Variants in CNTN4 observed in about 807,000 individuals in gnomAD.
The protein encoded by CNTN4 is contactin 4.
A neutral mutation model predicts 122.5 loss-of-function variants in CNTN4; 77 were observed. The ratio of observed to expected loss-of-function variants is 0.63; its 90% confidence interval spans 0.52 to 0.76. CNTN4 has a LOEUF of 0.76. Among genes scored for constraint, CNTN4 ranks in the 30% least tolerant of loss-of-function variants. The pLI, the probability that CNTN4 is intolerant of heterozygous loss-of-function variation, is 0.00. For synonymous variants in CNTN4, 512 were observed against 447.0 expected (o/e 1.15, Z -1.83); for missense variants, 1,256 against 1,259.1 (o/e 1.00, Z 0.04).
intron 3 of CNTN4, among the ~76,000 whole-genome samples, chr3:2,448,536 A>G (rs980667019): frequency 5.9e-5 from 9 of 152,140 alleles, no homozygotes; most frequent in Non-Finnish European, 1.3e-4. Context: ...TGAACACTCG[A>G]AAGCTATCGG....
chr3:2,375,265 G>C (rs1053169238), intron 3 of CNTN4, among the ~76,000 whole-genome samples: 3 of 152,140 alleles, frequency 2.0e-5, no homozygotes, highest in Non-Finnish European at 4.4e-5. Context: ...TTAGAGAAGT[G>C]ATTTCTAAAC....
chr3:2,889,642 T>G (rs2094016536), intron 10 of CNTN4, among the ~76,000 whole-genome samples: 1 of 152,242 alleles, frequency 6.6e-6, no homozygotes, highest in African/African-American at 2.4e-5. Flanking sequence ...CAACATTTTC[T>G]CTTTTTTCTT....
intron 3 of CNTN4, among the ~76,000 whole-genome samples, chr3:2,449,754 C>T (rs6789099): frequency 0.65 from 98,386 of 152,030 alleles, 32,094 homozygotes; most frequent in East Asian, 0.78. Flanking sequence ...AATGGAATAT[C>T]GTTCTGTCTT....
chr3:2,641,873 T>C (rs2150122123), intron 4 of CNTN4, among the ~76,000 whole-genome samples: 1 of 152,348 alleles, frequency 6.6e-6, no homozygotes, highest in East Asian at 1.9e-4. Context: ...AAGCCATTTT[T>C]ACATCATATT....
chr3:2,846,525 G>A (rs997088588), intron 7 of CNTN4, among the ~76,000 whole-genome samples: 4 of 152,112 alleles, frequency 2.6e-5, no homozygotes, highest in Admixed American at 2.6e-4. Flanking sequence ...AGCATGAGAA[G>A]AGATTAAAAC....
chr3:2,753,276 T>C lies in CNTN4; in HGVS notation c.358+7579T>C, dbSNP rs1576664832. On this transcript the variant is annotated intron_variant, in intron 6 of 24. Coordinates refer to ENST00000418658, the MANE Select transcript of CNTN4 (RefSeq NM_175607.3). ...TCGTGAGCTTGAACAAGGTACTTTT[T>C]TCTGCCCCAGGTTGTTTACCTCCTT... Among the ~76,000 whole-genome samples the C allele has an allele frequency of 1.3e-5, 2 of 152,346 alleles. 1 individual carries two copies. Among genetic ancestry groups the C allele is most frequent in the Admixed American group, 1.3e-4 (2 of 15,302 alleles).
chr3:2,577,477 A>G (rs1268776876), intron 4 of CNTN4, among the ~76,000 whole-genome samples: 1 of 152,138 alleles, frequency 6.6e-6, no homozygotes, highest in Admixed American at 6.5e-5. Context: ...TTGTTTTATT[A>G]TTAACCAGAT....
intron 3 of CNTN4, among the ~76,000 whole-genome samples, chr3:2,398,597 G>A (rs2046725347): frequency 6.6e-6 from 1 of 152,164 alleles, no homozygotes; most frequent in Admixed American, 6.6e-5. Flanking sequence ...TGAGTAGACT[G>A]TGCATGAGAT....
chr3:3,028,816 G>T (rs961952307), intron 15 of CNTN4, among the ~76,000 whole-genome samples: 1 of 152,094 alleles, frequency 6.6e-6, no homozygotes, highest in African/African-American at 2.4e-5. Flanking sequence ...CTTGACCCTT[G>T]AACAACACAG....
intron 6 of CNTN4, among the ~76,000 whole-genome samples, chr3:2,751,005 T>A (rs990117147): frequency 2.6e-5 from 4 of 152,024 alleles, no homozygotes; most frequent in East Asian, 1.9e-4. Context: ...TGGCCCACAT[T>A]AAAAGGATGC....
At chr3:2,466,099 G>A (rs1467790806) in intron 3 of CNTN4, among the ~76,000 whole-genome samples, 1 of 152,178 alleles carries the variant, frequency 6.6e-6, no homozygotes, top group East Asian at 1.9e-4. Flanking sequence ...GAAGCCATCA[G>A]AACATAGGAT....
intron 2 of CNTN4, among the ~76,000 whole-genome samples, chr3:2,158,260 A>G (rs1414200540): frequency 6.6e-6 from 1 of 152,238 alleles, no homozygotes; most frequent in Non-Finnish European, 1.5e-5. Flanking sequence ...TATTAATGTA[A>G]GAAGTTTAGA....
chr3:2,968,355 C>T (rs1692540769), intron 13 of CNTN4, among the ~76,000 whole-genome samples: 1 of 152,110 alleles, frequency 6.6e-6, no homozygotes, highest in African/African-American at 2.4e-5. Context: ...GAAAGGCCAA[C>T]CTAAATGTAT....
intron 2 of CNTN4, among the ~76,000 whole-genome samples, chr3:2,302,474 G>T (rs2042560291): frequency 6.6e-6 from 1 of 152,150 alleles, no homozygotes; most frequent in Non-Finnish European, 1.5e-5. Flanking sequence ...CTCTACGTTG[G>T]TTATGTAATT....
At chr3:2,418,378 C>T (rs1047243670) in intron 3 of CNTN4, among the ~76,000 whole-genome samples, 1 of 152,222 alleles carries the variant, frequency 6.6e-6, no homozygotes, top group South Asian at 2.1e-4. Context: ...AAATAATACA[C>T]AGAAAGTATT....
At chr3:2,835,106 C>T (rs986028060) in intron 7 of CNTN4, among the ~76,000 whole-genome samples, 5 of 151,282 alleles carry the variant, frequency 3.3e-5, no homozygotes, top group Admixed American at 3.3e-4. Context: ...GGGGTTTCAC[C>T]GTGTTAGCCA....
rs1228618084 is a variant in CNTN4 at position 2,427,875 on chromosome 3, C to T, written c.-89+88642C>T. On this transcript the variant is annotated intron_variant, in intron 3 of 24. Coordinates refer to ENST00000418658, the MANE Select transcript of CNTN4 (RefSeq NM_175607.3). ...TTTGTTGGTTTAAAGTCTGTTTTAT[C>T]AGAGACTAAGATTGCAACCCCTGCC... Among the ~76,000 whole-genome samples, 5 of 151,790 alleles carry T rather than the reference C, an allele frequency of 3.3e-5. 1 individual carries two copies. Among genetic ancestry groups the T allele is most frequent in the African/African-American group, 1.2e-4 (5 of 41,176 alleles).
At chr3:2,170,249 G>T (rs1343735118) in intron 2 of CNTN4, among the ~76,000 whole-genome samples, 1 of 151,932 alleles carries the variant, frequency 6.6e-6, no homozygotes, top group East Asian at 1.9e-4. Flanking sequence ...GAACCCGGGA[G>T]GCGGAGCTTG....
chr3:2,897,050 G>A (rs17022006), intron 10 of CNTN4, among the ~76,000 whole-genome samples: 46,324 of 151,090 alleles, frequency 0.31, 8,151 homozygotes, highest in East Asian at 0.6. Context: ...AAATCGAAGC[G>A]CCAAATACTC....
Sources: allele counts gnomAD v4.1 joint callset (sites outside exome capture counted in the v4.1 genomes callset), GRCh38; gene constraint gnomAD v4.1.1; transcripts MANE v1.5; gene names NCBI Gene and HGNC (gene_info 2026-07-23, HGNC 2026-07-21).